XKR6: variants seen among roughly 807,000 people sequenced by gnomAD.
XKR6 encodes XK-related protein 6.
XKR6 carries 22 observed loss-of-function variants against 56.7 expected under a neutral mutation model. That is an observed-to-expected ratio of 0.39 (90% CI 0.28 to 0.55). The LOEUF (loss-of-function observed/expected upper bound fraction) is 0.55, where lower values mean the gene tolerates loss of function less well. XKR6 is among the 20% of genes least tolerant of loss of function. The pLI, the probability that XKR6 is intolerant of heterozygous loss-of-function variation, is 0.66. For missense variants in XKR6, 852 were observed against 889.0 expected, an observed-to-expected ratio of 0.96 and a Z score of 0.53; for synonymous variants, 524 against 387.8, an observed-to-expected ratio of 1.35 and a Z score of -4.13.
chr8:11,152,356 T>G (rs1229979704), intron 1 of XKR6, among the ~76,000 whole-genome samples: 1 of 152,222 alleles, frequency 6.6e-6, no homozygotes, highest in Non-Finnish European at 1.5e-5. Context: ...GTTGCTGGCC[T>G]TATCTACGCC....
At chr8:11,087,257 A>T (rs1024080862) in intron 1 of XKR6, among the ~76,000 whole-genome samples, 4 of 152,126 alleles carry the variant, frequency 2.6e-5, no homozygotes, top group Non-Finnish European at 4.4e-5. Flanking sequence ...CCCAGCAAAG[A>T]TCCCACTTGG....
At chr8:11,041,648 G>A (rs943256181) in intron 1 of XKR6, among the ~76,000 whole-genome samples, 3 of 152,198 alleles carry the variant, frequency 2.0e-5, no homozygotes, top group Non-Finnish European at 4.4e-5. Context: ...CTGCTGGTAC[G>A]TGGGTAGTGG....
At chr8:11,144,909 G>C (rs1363763744) in intron 1 of XKR6, among the ~76,000 whole-genome samples, 1 of 150,260 alleles carries the variant, frequency 6.7e-6, no homozygotes, top group Non-Finnish European at 1.5e-5. Context: ...GAAGGGGAAG[G>C]GGAAGGGAAA....
intron 1 of XKR6, among the ~76,000 whole-genome samples, chr8:11,142,261 C>G (rs543064343): frequency 8.4e-4 from 128 of 152,208 alleles, no homozygotes; most frequent in African/African-American, 3.0e-3. Context: ...TTGAAAATGG[C>G]TGATTCTAGG....
At chr8:11,145,612 T>C (rs1361253606) in intron 1 of XKR6, among the ~76,000 whole-genome samples, 2 of 152,268 alleles carry the variant, frequency 1.3e-5, no homozygotes, top group East Asian at 1.9e-4. Context: ...ATGACATTAA[T>C]AGCATCAACA....
At chr8:11,008,668 C>T (rs1039164626) in intron 1 of XKR6, among the ~76,000 whole-genome samples, 1 of 152,052 alleles carries the variant, frequency 6.6e-6, no homozygotes, top group African/African-American at 2.4e-5. Flanking sequence ...ACCTGCCTCG[C>T]CCTCCCAAAG....
chr8:10,927,221 A>G lies in XKR6; in HGVS notation c.765-2391T>C, dbSNP rs139361964. The stretch of plus-strand genomic sequence containing the variant: ...TGGCAGTGCGGGGAGGCAGGGCATC[A>G]GGGGACATGAATGCTCCAGCTGAAG... On this transcript the variant is annotated intron_variant, in intron 1 of 2. Transcript: ENST00000416569. 3.7e-3 allele frequency among the ~76,000 whole-genome samples: 568 copies of G among 152,260 alleles called. 8 individuals are homozygous for G. Among genetic ancestry groups the G allele is most frequent in the African/African-American group, 0.013 (524 of 41,556 alleles).
chr8:11,062,386 G>T (rs1033919959), intron 1 of XKR6, among the ~76,000 whole-genome samples: 1 of 152,180 alleles, frequency 6.6e-6, no homozygotes, highest in East Asian at 1.9e-4. Flanking sequence ...CTAGGTTGAT[G>T]CCTTTATTTG....
At chr8:11,181,459 A>G (rs1377167757) in intron 1 of XKR6, among the ~76,000 whole-genome samples, 1 of 152,224 alleles carries the variant, frequency 6.6e-6, no homozygotes, top group East Asian at 1.9e-4. Context: ...CAAAGTGACT[A>G]TAGTTTTCTT....
intron 1 of XKR6, among the ~76,000 whole-genome samples, chr8:11,082,463 A>G (rs1173506722): frequency 6.6e-6 from 1 of 152,224 alleles, no homozygotes; most frequent in Non-Finnish European, 1.5e-5. Context: ...GTGCCCAGAG[A>G]GGCCTGCATA....
At chr8:11,175,941 A>T (rs1802634724) in intron 1 of XKR6, among the ~76,000 whole-genome samples, 1 of 152,208 alleles carries the variant, frequency 6.6e-6, no homozygotes, top group Non-Finnish European at 1.5e-5. Flanking sequence ...CTCAAAAGAA[A>T]AACAGGGAAA....
chr8:11,019,094 G>A (rs975847694), intron 1 of XKR6, among the ~76,000 whole-genome samples: 1 of 152,162 alleles, frequency 6.6e-6, no homozygotes, highest in Non-Finnish European at 1.5e-5. Context: ...AGAGAATAGA[G>A]TCTGCCATGC....
chr8:11,063,264 GAACT>G (rs1023940968), intron 1 of XKR6, among the ~76,000 whole-genome samples: 1 of 150,124 alleles, frequency 6.7e-6, no homozygotes, highest in Non-Finnish European at 1.5e-5. Flanking sequence ...CAGAGGGACA[GAACT>G]AATAAAGAAA....
intron 1 of XKR6, among the ~76,000 whole-genome samples, chr8:11,051,246 C>T (rs1799540248): frequency 6.6e-6 from 1 of 152,050 alleles, no homozygotes; most frequent in African/African-American, 2.4e-5. Context: ...CCCCGATCAC[C>T]CTGCTGGTTC....
At chr8:10,960,687 T>C (rs1802035071) in intron 1 of XKR6, among the ~76,000 whole-genome samples, 2 of 152,194 alleles carry the variant, frequency 1.3e-5, no homozygotes. Context: ...ACGGAGAATC[T>C]GAGAATCAGA....
chr8:11,132,767 G>GCGCACACACACA (rs1554468041), intron 1 of XKR6, among the ~76,000 whole-genome samples: 120 of 138,274 alleles, frequency 8.7e-4, no homozygotes, highest in African/African-American at 7.3e-4. Flanking sequence ...ACACACGCAC[G>GCGCACACACACA]CACACACACA....
intron 1 of XKR6, among the ~76,000 whole-genome samples, chr8:11,180,118 C>T (rs529141854): frequency 1.8e-4 from 27 of 151,776 alleles, no homozygotes; most frequent in East Asian, 1.4e-3. Flanking sequence ...CCAGCATGGG[C>T]GACAGACTGA....
intron 1 of XKR6, among the ~76,000 whole-genome samples, chr8:10,993,895 G>C (rs1798050390): frequency 6.6e-6 from 1 of 152,142 alleles, no homozygotes; most frequent in African/African-American, 2.4e-5. Flanking sequence ...CCACCCCATG[G>C]CAATCAGGGT....
chr8:10,969,877 G>C (rs541420978), intron 1 of XKR6, among the ~76,000 whole-genome samples: 1 of 152,244 alleles, frequency 6.6e-6, no homozygotes, highest in African/African-American at 2.4e-5. Context: ...CCCGAAGATG[G>C]GATATGCTGC....
Sources: allele counts gnomAD v4.1 joint callset (sites outside exome capture counted in the v4.1 genomes callset), GRCh38; gene constraint gnomAD v4.1.1; transcripts MANE v1.5; gene names NCBI Gene and HGNC (gene_info 2026-07-23, HGNC 2026-07-21).